The following PTPRM variants were observed in gnomAD, a reference collection of about 807,000 sequenced individuals.
PTPRM encodes the protein protein tyrosine phosphatase receptor type M.
In PTPRM, 47 loss-of-function variants were observed where a neutral mutation model predicts 186.7. That is an observed-to-expected ratio of 0.25 (90% CI 0.20 to 0.32). The LOEUF (loss-of-function observed/expected upper bound fraction) is 0.32. Among genes scored for constraint, PTPRM ranks in the 10% least tolerant of loss-of-function variants. PTPRM has a pLI of 1.00. For missense variants in PTPRM, 1,494 were observed against 1,865.0 expected (o/e 0.80, Z 3.66); for synonymous variants, 668 against 674.9 (o/e 0.99, Z 0.16).
At chr18:8,134,260 C>A (rs577132551) in intron 13 of PTPRM, among the ~76,000 whole-genome samples, 87 of 152,308 alleles carry the variant, frequency 5.7e-4, no homozygotes, top group Non-Finnish European at 1.1e-3. Flanking sequence ...ACAGACCACT[C>A]ATGGTTATTG....
Position 8,081,354 on chromosome 18 carries a change from C to G in PTPRM, c.1552-4317C>G, listed in dbSNP as rs147826822. 4.4e-3 allele frequency among the ~76,000 whole-genome samples: 666 copies of G among 152,298 alleles called. 2 individuals are homozygous for G. The highest frequency in any genetic ancestry group is 0.015 in the African/African-American group (644 of 41,562). On this transcript the variant is annotated intron_variant, in intron 9 of 32. Transcript: ENST00000580170. ...TCAGTTTGCTTTTGACATGGCACCT[C>G]CCATAAAATTACTTACATCCAACAC...
chr18:8,094,366 CAA>C (rs974252140), intron 11 of PTPRM, among the ~76,000 whole-genome samples: 4 of 133,608 alleles, frequency 3.0e-5, no homozygotes, highest in Non-Finnish European at 3.3e-5. Flanking sequence ...GACCCTGTCT[CAA>C]AAAAAAAAAA....
intron 2 of PTPRM, among the ~76,000 whole-genome samples, chr18:7,805,319 C>T (rs915550086): frequency 2.0e-5 from 3 of 152,200 alleles, no homozygotes; most frequent in African/African-American, 7.2e-5. Context: ...ACTCTCACCA[C>T]AGCTCATCAT....
chr18:7,789,548 ATGG>A lies in PTPRM; in HGVS notation c.196+15282_196+15284del, dbSNP rs143703859. On this transcript the variant is annotated intron_variant, in intron 2 of 32. Transcript: ENST00000580170. ...TTCCTCTACTAATTGGCTACCCATTATGGTGGTTTTTGAAGCCTGGGACTCACT... is the reference window on the plus strand; with the variant it reads ...TTCCTCTACTAATTGGCTACCCATTATGGTTTTTGAAGCCTGGGACTCACT... Among the ~76,000 whole-genome samples, 1,222 of 152,282 alleles carry A rather than the reference ATGG, an allele frequency of 8.0e-3. 16 individuals are homozygous for A. The highest frequency in any genetic ancestry group is 0.028 in the African/African-American group (1,167 of 41,552).
At chr18:7,972,772 G>A (rs1402796223) in intron 7 of PTPRM, among the ~76,000 whole-genome samples, 1 of 152,016 alleles carries the variant, frequency 6.6e-6, no homozygotes, top group African/African-American at 2.4e-5. Context: ...AAATATAGAA[G>A]TATATGATGA....
intron 7 of PTPRM, among the ~76,000 whole-genome samples, chr18:8,016,425 C>T (rs2084864503): frequency 6.6e-6 from 1 of 150,674 alleles, no homozygotes; most frequent in Non-Finnish European, 1.5e-5. Flanking sequence ...GAGACCGAGG[C>T]ATGAGAGTCA....
intron 1 of PTPRM, among the ~76,000 whole-genome samples, chr18:7,721,648 TC>T (rs1353638145): frequency 6.6e-6 from 1 of 152,102 alleles, no homozygotes; most frequent in Non-Finnish European, 1.5e-5. Flanking sequence ...GAGTGAAAAT[TC>T]ATTATTTTTG....
intron 1 of PTPRM, among the ~76,000 whole-genome samples, chr18:7,719,271 T>A (rs1287191319): frequency 6.6e-6 from 1 of 152,124 alleles, no homozygotes; most frequent in Non-Finnish European, 1.5e-5. Flanking sequence ...GCCATTATTC[T>A]AAGTGAAGTA....
intron 1 of PTPRM, among the ~76,000 whole-genome samples, chr18:7,694,423 C>T (rs2039798174): frequency 7.7e-6 from 1 of 129,586 alleles, no homozygotes; most frequent in Admixed American, 8.6e-5. Flanking sequence ...TCCCTTCTTC[C>T]TTCCTTCCTT....
At chr18:7,823,796 G>A (rs527440649) in intron 2 of PTPRM, among the ~76,000 whole-genome samples, 52 of 152,304 alleles carry the variant, frequency 3.4e-4, no homozygotes, top group African/African-American at 1.2e-3. Context: ...ACTTGGACTG[G>A]CTTCCTTGCT....
intron 2 of PTPRM, among the ~76,000 whole-genome samples, chr18:7,830,208 G>T (rs1354059820): frequency 6.6e-6 from 1 of 152,104 alleles, no homozygotes; most frequent in Non-Finnish European, 1.5e-5. Flanking sequence ...CTGGGCATGT[G>T]TTTCAAGTGG....
At chr18:7,967,609 AAAG>A (rs1328404315) in intron 7 of PTPRM, among the ~76,000 whole-genome samples, 1 of 105,738 alleles carries the variant, frequency 9.5e-6, no homozygotes. Context: ...AGAAGTGCTT[AAAG>A]GAGCTGATGG....
At chr18:7,988,190 G>A (rs2083072918) in intron 7 of PTPRM, among the ~76,000 whole-genome samples, 1 of 151,590 alleles carries the variant, frequency 6.6e-6, no homozygotes. Context: ...CTGTTATCAT[G>A]TTCATTTCAA....
chr18:7,568,025 CG>C lies in PTPRM; in HGVS notation c.73+135del, dbSNP rs1285193955. 2 of 817,690 alleles carry C rather than the reference CG, an allele frequency of 2.4e-6. No individual in the cohort carries two copies. The highest frequency in any genetic ancestry group is 3.7e-5 in the African/African-American group (2 of 54,088). 50.7% of individuals were successfully genotyped at this position (817,690 alleles called of 1,614,324 possible). On this transcript the variant is annotated intron_variant, in intron 1 of 32. Transcript: ENST00000580170. This position sits in a 1 kb window ranked among gnomAD's most constrained non-coding sequence, Gnocchi z 5.1. ...GCGGGGGGCGCGGCGGGCCGGACAC[CG>C]CTTCTGCCTGTGAGCCGGGCGCTGG...
chr18:8,406,049 C>T, intron 32 of PTPRM, 60 bp from the exon 33 acceptor site: 1 of 1,470,274 alleles, frequency 6.8e-7, no homozygotes, highest in Non-Finnish European at 9.5e-7. Context: ...ATGGTAATTG[C>T]TTTACTAGGA....
At chr18:8,182,193 A>G (rs965542005) in intron 14 of PTPRM, among the ~76,000 whole-genome samples, 2 of 152,098 alleles carry the variant, frequency 1.3e-5, no homozygotes, top group Admixed American at 1.3e-4. Context: ...ATGGTCCTGA[A>G]TGTTTATTTT....
At chr18:7,970,905 A>G (rs1198591188) in intron 7 of PTPRM, among the ~76,000 whole-genome samples, 4 of 113,926 alleles carry the variant, frequency 3.5e-5, no homozygotes, top group Admixed American at 9.3e-5. Context: ...TACAGATTCA[A>G]TGCCATCCCC....
chr18:7,729,916 C>T (rs573699714), intron 1 of PTPRM, among the ~76,000 whole-genome samples: 174 of 152,164 alleles, frequency 1.1e-3, no homozygotes, highest in African/African-American at 3.6e-3. Context: ...CTAGTGTATT[C>T]ATGATTGAAA....
intron 4 of PTPRM, among the ~76,000 whole-genome samples, chr18:7,921,268 C>CAAGA (rs1276471406): frequency 6.6e-6 from 1 of 151,792 alleles, no homozygotes; most frequent in African/African-American, 2.4e-5. Flanking sequence ...AATCTTTTTC[C>CAAGA]TTTTCATTTT....
Sources: allele counts gnomAD v4.1 joint callset (sites outside exome capture counted in the v4.1 genomes callset), GRCh38; gene constraint gnomAD v4.1.1; non-coding constraint Gnocchi (gnomAD v3.1); transcripts MANE v1.5; gene names NCBI Gene and HGNC (gene_info 2026-07-23, HGNC 2026-07-21).